CEP128: variants seen among roughly 807,000 people sequenced by gnomAD.
CEP128 encodes the protein centrosomal protein 128.
In CEP128, 132 loss-of-function variants were observed where a neutral mutation model predicts 156.7. That is an observed-to-expected ratio of 0.84 (90% CI 0.73 to 0.97). The LOEUF (loss-of-function observed/expected upper bound fraction) is 0.97, where lower values mean the gene tolerates loss of function less well. Among genes scored for constraint, CEP128 ranks in the 50% least tolerant of loss-of-function variants. CEP128 has a pLI of 0.00. For missense variants in CEP128, 1,252 were observed against 1,281.9 expected (o/e 0.98, Z 0.36); for synonymous variants, 469 against 448.9 (o/e 1.04, Z -0.57).
At chr14:80,628,233 A>C (rs749949453) in intron 19 of CEP128, among the ~76,000 whole-genome samples, 19 of 152,200 alleles carry the variant, frequency 1.2e-4, no homozygotes, top group Non-Finnish European at 1.2e-4. Flanking sequence ...GTTATCCTAA[A>C]TAGTGAAATG....
At chr14:80,524,310 G>A (rs1425089130) in intron 23 of CEP128, among the ~76,000 whole-genome samples, 1 of 152,098 alleles carries the variant, frequency 6.6e-6, no homozygotes, top group Admixed American at 6.6e-5. Flanking sequence ...CCTTTTCTTT[G>A]AATTCTGTCT....
intron 19 of CEP128, among the ~76,000 whole-genome samples, chr14:80,704,881 T>C (rs1343804982): frequency 6.6e-6 from 1 of 151,874 alleles, no homozygotes; most frequent in Admixed American, 6.6e-5. Context: ...AAAAACAGAG[T>C]AGATCAGTTT....
At chr14:80,721,097 C>T (rs1452189438) in intron 19 of CEP128, among the ~76,000 whole-genome samples, 2 of 152,122 alleles carry the variant, frequency 1.3e-5, no homozygotes, top group African/African-American at 2.4e-5. Context: ...AATTTCTATA[C>T]ATCTTTAATT....
At chr14:80,507,713 C>T (rs1888044786) in intron 23 of CEP128, among the ~76,000 whole-genome samples, 1 of 152,100 alleles carries the variant, frequency 6.6e-6, no homozygotes, top group African/African-American at 2.4e-5. Context: ...GGAGTAGAGA[C>T]ACAGGTTTGA....
intron 13 of CEP128, among the ~76,000 whole-genome samples, chr14:80,817,536 T>C (rs1211707803): frequency 6.6e-6 from 1 of 152,198 alleles, no homozygotes; most frequent in Non-Finnish European, 1.5e-5. Flanking sequence ...AGATGGAAAT[T>C]ATTTTTGAAA....
intron 7 of CEP128, among the ~76,000 whole-genome samples, chr14:80,899,222 G>A (rs1883384509): frequency 6.6e-6 from 1 of 152,088 alleles, no homozygotes; most frequent in Non-Finnish European, 1.5e-5. Context: ...CTGGTGTGTG[G>A]GATGATTTAG....
intron 13 of CEP128, chr14:80,830,464 CA>C: frequency 5.8e-6 from 2 of 342,538 alleles, no homozygotes; most frequent in Non-Finnish European, 1.1e-5. Context: ...TATCTATTTC[CA>C]AATGTGTCAT....
At chr14:80,629,015 C>G (rs1160787385) in intron 19 of CEP128, among the ~76,000 whole-genome samples, 1 of 149,788 alleles carries the variant, frequency 6.7e-6, no homozygotes, top group Admixed American at 6.7e-5. Flanking sequence ...GAATAAATAC[C>G]TCCCTTACTC....
intron 23 of CEP128, among the ~76,000 whole-genome samples, chr14:80,505,992 A>G (rs1352492529): frequency 6.6e-6 from 1 of 152,228 alleles, no homozygotes; most frequent in East Asian, 1.9e-4. Context: ...TAAAAACTGT[A>G]AGTGCTATAA....
chr14:80,900,644 A>C (rs1333991987), intron 6 of CEP128, among the ~76,000 whole-genome samples: 1 of 152,216 alleles, frequency 6.6e-6, no homozygotes, highest in Non-Finnish European at 1.5e-5. Context: ...CAAGATAAAT[A>C]AATGGTGGTA....
chr14:80,480,790 T>C (rs1208724074), intron 14 of CEP128, among the ~76,000 whole-genome samples: 1 of 152,156 alleles, frequency 6.6e-6, no homozygotes, highest in Admixed American at 6.5e-5. Flanking sequence ...CCTTCTCAAG[T>C]TCAAAGTTCC....
At chr14:80,673,198 A>C (rs1380939814) in intron 19 of CEP128, among the ~76,000 whole-genome samples, 3 of 152,236 alleles carry the variant, frequency 2.0e-5, no homozygotes, top group Non-Finnish European at 4.4e-5. Flanking sequence ...AAAGCATTTT[A>C]AAACAATTCC....
chr14:80,893,390 G>A (rs1889195164), intron 8 of CEP128, among the ~76,000 whole-genome samples: 2 of 151,672 alleles, frequency 1.3e-5, no homozygotes, highest in Non-Finnish European at 3.0e-5. Flanking sequence ...CTGATATGTA[G>A]GATGAACAAG....
chr14:80,517,644 G>C (rs1261455656), intron 23 of CEP128, among the ~76,000 whole-genome samples: 1 of 151,936 alleles, frequency 6.6e-6, no homozygotes, highest in African/African-American at 2.4e-5. Flanking sequence ...TTGTTACTGG[G>C]GGTCCTTGTT....
Position 80,955,430 on chromosome 14 carries a change from G to T in CEP128, c.-172+2748C>A, listed in dbSNP as rs1886609173. Reference sequence around the variant, plus strand: ...GGGAACAGACGGAGCGGACTGCGTGGGTCCAGCCAAGGAAAGTGAAGCAAG... The same window carrying T: ...GGGAACAGACGGAGCGGACTGCGTGTGTCCAGCCAAGGAAAGTGAAGCAAG... On this transcript the variant is annotated intron_variant, in intron 2 of 7. Transcript: ENST00000555529. 16 of 571,710 alleles carry T rather than the reference G, an allele frequency of 2.8e-5. No homozygotes were observed. In the South Asian group the frequency reaches 3.2e-4, roughly 11 times the overall value. The allele number at this position is 571,710 out of a possible 1,614,324, so 35.4% of individuals were successfully genotyped here.
chr14:80,535,961 G>A (rs1354296134), intron 21 of CEP128, among the ~76,000 whole-genome samples: 2 of 152,188 alleles, frequency 1.3e-5, no homozygotes, highest in Non-Finnish European at 2.9e-5. Context: ...AGGCCCTGTG[G>A]CTTTTGCACC....
chr14:80,605,677 C>A (rs1892748135), intron 19 of CEP128, among the ~76,000 whole-genome samples: 1 of 152,014 alleles, frequency 6.6e-6, no homozygotes, highest in Admixed American at 6.6e-5. Flanking sequence ...AGATCACTTT[C>A]TTTCCTGTCA....
intron 10 of CEP128, among the ~76,000 whole-genome samples, chr14:80,839,292 G>T (rs1426299140): frequency 6.6e-6 from 1 of 152,210 alleles, no homozygotes; most frequent in African/African-American, 2.4e-5. Context: ...TAAGATGCTT[G>T]TAAGTGCTTA....
intron 14 of CEP128, among the ~76,000 whole-genome samples, chr14:80,484,125 C>T (rs1338064894): frequency 1.3e-5 from 2 of 152,078 alleles, no homozygotes; most frequent in Non-Finnish European, 2.9e-5. Context: ...TACAGGCGTG[C>T]ACCACCATGC....
Sources: allele counts gnomAD v4.1 joint callset (sites outside exome capture counted in the v4.1 genomes callset), GRCh38; gene constraint gnomAD v4.1.1; transcripts MANE v1.5; gene names NCBI Gene and HGNC (gene_info 2026-07-23, HGNC 2026-07-21).